The following TRPC4AP variants were observed in gnomAD, a reference collection of about 807,000 sequenced individuals.
TRPC4AP encodes the protein short transient receptor potential channel 4-associated protein.
Under a neutral mutation model 99.0 loss-of-function variants are expected in TRPC4AP, and 45 were observed. The observed-to-expected ratio is 0.45, with a 90% CI of 0.36 to 0.58. TRPC4AP has a LOEUF of 0.58. TRPC4AP is among the 20% of genes least tolerant of loss of function. TRPC4AP has a pLI of 0.00. For missense variants in TRPC4AP, 879 were observed against 985.3 expected, an observed-to-expected ratio of 0.89 and a Z score of 1.44; for synonymous variants, 408 against 385.8, an observed-to-expected ratio of 1.06 and a Z score of -0.67.
intron 8 of TRPC4AP, among the ~76,000 whole-genome samples, chr20:35,026,124 T>C (rs1201220371): frequency 1.3e-5 from 2 of 152,114 alleles, no homozygotes; most frequent in Non-Finnish European, 1.5e-5. Flanking sequence ...TCAACAATAT[T>C]CCATTGATCA....
intron 11 of TRPC4AP, among the ~76,000 whole-genome samples, chr20:35,012,158 T>C (rs909310950): frequency 6.6e-6 from 1 of 152,232 alleles, no homozygotes; most frequent in African/African-American, 2.4e-5. Context: ...CCTGGAGCCC[T>C]TCTATGGCTT....
In TRPC4AP at chr20:35,038,845, G is replaced by C. The variant is rs552995640; in HGVS notation, c.866-3537C>G. Among the ~76,000 whole-genome samples the C allele has an allele frequency of 5.9e-5, 9 of 152,304 alleles. 1 individual carries two copies. In the South Asian group the frequency reaches 1.9e-3, roughly 32 times the overall value. On this transcript the variant is annotated intron_variant, in intron 7 of 18. Coordinates refer to ENST00000252015, the MANE Select transcript of TRPC4AP (RefSeq NM_015638.3). ...CCCAGCACTTTGGGAGGCCGAGGTG[G>C]GTGGATCACCTGAGTTTGGGAGTTC...
At chr20:35,055,703 CTT>C (rs1298911737) in intron 4 of TRPC4AP, among the ~76,000 whole-genome samples, 2 of 152,332 alleles carry the variant, frequency 1.3e-5, no homozygotes, top group Admixed American at 1.3e-4. Flanking sequence ...CTCAATTGCT[CTT>C]GTTATAAATT....
At chr20:35,079,358 CTT>C (rs1259816834) in intron 1 of TRPC4AP, among the ~76,000 whole-genome samples, 2 of 152,036 alleles carry the variant, frequency 1.3e-5, no homozygotes, top group Non-Finnish European at 1.5e-5. Flanking sequence ...GAAAATATAA[CTT>C]ATCAAAATTT....
chr20:35,025,137 T>A (rs953659127), intron 8 of TRPC4AP, among the ~76,000 whole-genome samples: 5 of 152,246 alleles, frequency 3.3e-5, no homozygotes, highest in African/African-American at 1.2e-4. Context: ...TGCCAACCCT[T>A]ATTATCCACC....
chr20:35,021,600 C>T (rs894413859), intron 8 of TRPC4AP, among the ~76,000 whole-genome samples: 9 of 152,156 alleles, frequency 5.9e-5, no homozygotes, highest in East Asian at 1.9e-4. Context: ...TAAAAATATT[C>T]GGACACAGCC....
chr20:35,042,924 C>T (rs1406471566), intron 7 of TRPC4AP, among the ~76,000 whole-genome samples: 1 of 152,200 alleles, frequency 6.6e-6, no homozygotes, highest in African/African-American at 2.4e-5. Flanking sequence ...CCTTCCCTTA[C>T]CAGCTACTTC....
At chr20:35,067,463 C>T (rs2084174078) in intron 3 of TRPC4AP, among the ~76,000 whole-genome samples, 1 of 152,158 alleles carries the variant, frequency 6.6e-6, no homozygotes, top group African/African-American at 2.4e-5. Context: ...GGCAGTTCCT[C>T]AAACAATTAA....
rs544805923 is a variant in TRPC4AP at position 35,086,247 on chromosome 20, C to A, written c.168+6367G>T. Among the ~76,000 whole-genome samples the A allele has an allele frequency of 8.5e-5, 13 of 152,134 alleles. No homozygotes were observed. In the South Asian group the frequency reaches 2.7e-3, roughly 32 times the overall value. On this transcript the variant is annotated intron_variant, in intron 1 of 18. Coordinates refer to ENST00000252015, the MANE Select transcript of TRPC4AP (RefSeq NM_015638.3). ...GTGCTAGAATTACAGGTGTGAGCCA[C>A]CGCACCCAGCCTAAATAGATATCTT... is the stretch of plus-strand genomic sequence containing the variant.
At chr20:35,076,086 C>A (rs577157755) in intron 2 of TRPC4AP, among the ~76,000 whole-genome samples, 1 of 152,158 alleles carries the variant, frequency 6.6e-6, no homozygotes, top group Non-Finnish European at 1.5e-5. Context: ...ACGTAGTTTT[C>A]GAGCCATGGT....
intron 8 of TRPC4AP, among the ~76,000 whole-genome samples, chr20:35,032,895 A>AT (rs1324519439): frequency 1.3e-5 from 2 of 150,770 alleles, no homozygotes; most frequent in Non-Finnish European, 3.0e-5. Flanking sequence ...GTATGTCTCA[A>AT]TTTTTGTTAA....
At chr20:35,077,963 A>T in intron 2 of TRPC4AP, 83 bp downstream of exon 2, 2 of 1,458,500 alleles carry the variant, frequency 1.4e-6, no homozygotes, top group South Asian at 2.8e-5. Flanking sequence ...TTTAAAAGCC[A>T]ACGGAAGGGA....
chr20:35,050,255 T>C (rs936459714), intron 5 of TRPC4AP, among the ~76,000 whole-genome samples: 1 of 152,210 alleles, frequency 6.6e-6, no homozygotes, highest in Non-Finnish European at 1.5e-5. Flanking sequence ...TTTCCTAAAA[T>C]AACTTATCTC....
At chr20:35,066,398 T>C (rs947782404) in intron 3 of TRPC4AP, among the ~76,000 whole-genome samples, 2 of 152,186 alleles carry the variant, frequency 1.3e-5, no homozygotes, top group Non-Finnish European at 2.9e-5. Flanking sequence ...TGAGTCACTG[T>C]ACCTGGCCAT....
chr20:35,004,524 C>T lies in TRPC4AP; in HGVS notation c.1983G>A (p.Gln661=). 1.2e-6 allele frequency: 2 copies of T among 1,614,104 alleles called. No individual in the cohort carries two copies. Among genetic ancestry groups the T allele is most frequent in the Non-Finnish European group, 1.7e-6 (2 of 1,179,978 alleles). The change falls in exon 17 of 19, where the codon CAG becomes CAA. Residue 661 remains glutamine, a synonymous_variant. Transcript: ENST00000252015. ...SECRLLAYIS[Q]VPTQMSFLFR... is the part of the protein sequence containing the mutation. Reference sequence around the variant, plus strand: ...AGAGGAAGGACATCTGCGTGGGCACCTGGGATATGTAGGCGAGCAGGCGGC... The same window carrying T: ...AGAGGAAGGACATCTGCGTGGGCACTTGGGATATGTAGGCGAGCAGGCGGC...
At chr20:35,024,049 C>T (rs2082955718) in intron 8 of TRPC4AP, among the ~76,000 whole-genome samples, 1 of 152,132 alleles carries the variant, frequency 6.6e-6, no homozygotes, top group South Asian at 2.1e-4. Flanking sequence ...TCCCCTGAGT[C>T]TCTTCAGCTC....
At chr20:35,018,130 G>C (rs2082795215) in intron 9 of TRPC4AP, among the ~76,000 whole-genome samples, 1 of 152,202 alleles carries the variant, frequency 6.6e-6, no homozygotes, top group Non-Finnish European at 1.5e-5. Flanking sequence ...CAGTGCAATT[G>C]CCTCACTGCA....
chr20:35,011,394 G>A (rs1470493193), intron 11 of TRPC4AP, among the ~76,000 whole-genome samples: 2 of 152,326 alleles, frequency 1.3e-5, no homozygotes, highest in Admixed American at 6.5e-5. Flanking sequence ...AACACGGCAG[G>A]CACAGCACAG....
At chr20:35,041,729 T>A (rs1404431686) in intron 7 of TRPC4AP, among the ~76,000 whole-genome samples, 2 of 152,216 alleles carry the variant, frequency 1.3e-5, no homozygotes, top group African/African-American at 4.8e-5. Flanking sequence ...TCTGCCAGAA[T>A]AGATTCCTTA....
Sources: allele counts gnomAD v4.1 joint callset (sites outside exome capture counted in the v4.1 genomes callset), GRCh38; gene constraint gnomAD v4.1.1; transcripts MANE v1.5; gene names NCBI Gene and HGNC (gene_info 2026-07-23, HGNC 2026-07-21).